Variants in HES6 observed in about 807,000 individuals in gnomAD.
HES6 encodes transcription cofactor HES-6.
Under a neutral mutation model 16.4 loss-of-function variants are expected in HES6, and 24 were observed. That is an observed-to-expected ratio of 1.46 (90% CI 1.06 to 2.06). HES6 has a LOEUF of 2.06. Among genes scored for constraint, HES6 ranks in the 30% most tolerant of loss-of-function variants. HES6 has a pLI of 0.00. For synonymous variants in HES6, 159 were observed against 144.3 expected (o/e 1.10, Z -0.73); for missense variants, 355 against 317.6 (o/e 1.12, Z -0.90).
Position 238,239,500 on chromosome 2 carries a change from C to T in HES6, c.237G>A (p.Arg79=). The change falls in exon 3 of 4, where the codon CGG becomes CGA. Residue 79 remains arginine (R), a synonymous_variant. Coordinates refer to ENST00000272937, the MANE Select transcript of HES6 (RefSeq NM_018645.6). ...LTVRRVQGVL[R]GRAREREQLQ... ...GCCGCCACTCACCGCGCGCCCGGCC[C>T]CGCAGCACACCCTGGACCCGCCGCA... 4.6e-6 allele frequency: 6 copies of T among 1,307,910 alleles called. No homozygotes were observed. The highest frequency in any genetic ancestry group is 5.8e-6 in the Non-Finnish European group (6 of 1,031,516). The allele number at this position is 1,307,910 out of a possible 1,614,324, so 81.0% of individuals were successfully genotyped here.
intron 1 of HES6, 30 bp from the exon 2 acceptor site, chr2:238,239,777 C>T (rs976452201): frequency 7.1e-7 from 1 of 1,399,140 alleles, no homozygotes; most frequent in Non-Finnish European, 9.4e-7. Context: ...GAATCCCAGC[C>T]CCGCACGGCC....
intron 2 of HES6, 44 bp from the exon 3 acceptor site, chr2:238,239,612 A>ACCCCCCCCCCCCCCCC: frequency 2.5e-6 from 1 of 400,646 alleles, no homozygotes; most frequent in Non-Finnish European, 3.6e-6. Context: ...GCGCTCCCGG[A>ACCCCCCCCCCCCCCCC]CCCGCCCGCC....
Position 238,240,029 on chromosome 2 carries a change from C to T in HES6, c.-124G>A, listed in dbSNP as rs1013683709. On this transcript the variant is annotated 5_prime_UTR_variant, in exon 1 of 4. Coordinates refer to ENST00000272937, the MANE Select transcript of HES6 (RefSeq NM_018645.6). Reference sequence around the variant, plus strand: ...AGCAGCAGCCCAGCCGTCCGCGCTCCTCGCGGCTTCCGGCCCGCCGCGGTC... The same window carrying T: ...AGCAGCAGCCCAGCCGTCCGCGCTCTTCGCGGCTTCCGGCCCGCCGCGGTC... The T allele has an allele frequency of 6.4e-6, 3 of 468,488 alleles. No individual in the cohort carries two copies. The highest frequency in any genetic ancestry group is 6.2e-6 in the Non-Finnish European group (2 of 323,454). The allele number at this position is 468,488 out of a possible 1,614,324, so 29.0% of individuals were successfully genotyped here.
intron 3 of HES6, 49 bp downstream of exon 3, chr2:238,239,438 G>T: frequency 7.9e-7 from 1 of 1,268,714 alleles, no homozygotes; most frequent in Non-Finnish European, 1.0e-6. Context: ...TCTGGCAGGG[G>T]TTACAGGCGC....
rs1383408436 is a variant in HES6, at chr2:238,239,139, G to A, written c.363C>T (p.Val121=). 1 of 1,612,620 alleles carries A rather than the reference G, an allele frequency of 6.2e-7. No homozygotes were observed. Among genetic ancestry groups the A allele is most frequent in the Non-Finnish European group, 8.5e-7 (1 of 1,179,930 alleles). ...GCAGATGGTTCAGGAGCTCGGCAGC[G>A]ACGGTAGCGTCGATGGCCTGGCACG... ...VSTCQAIDAT[V]AAELLNHLLE... The change falls in exon 4 of 4, where the codon GTC becomes GTT. Residue 121 remains valine, a synonymous_variant. Transcript: ENST00000272937.
At chr2:238,239,622 C>A in intron 2 of HES6, 39 bp downstream of exon 2, 1 of 1,130,282 alleles carries the variant, frequency 8.8e-7, no homozygotes, top group Non-Finnish European at 1.1e-6. Context: ...ACCCGCCCGC[C>A]CGCCCCGCAG....
intron 1 of HES6, 30 bp from the exon 2 acceptor site, chr2:238,239,777 C>A (rs976452201): frequency 4.3e-6 from 6 of 1,399,028 alleles, no homozygotes; most frequent in African/African-American, 1.5e-5. Context: ...GAATCCCAGC[C>A]CCGCACGGCC....
In HES6 at chr2:238,238,664, T is replaced by A; in HGVS notation, c.*163A>T. 2 of 695,734 alleles carry A rather than the reference T, an allele frequency of 2.9e-6. No individual in the cohort carries two copies. The highest frequency in any genetic ancestry group is 2.4e-6 in the Non-Finnish European group (1 of 420,072). 43.1% of individuals were successfully genotyped at this position (695,734 alleles called of 1,614,324 possible). On this transcript the variant is annotated 3_prime_UTR_variant, in exon 4 of 4. Coordinates refer to ENST00000272937, the MANE Select transcript of HES6 (RefSeq NM_018645.6). ...TTAAGAAACGGGGCTGGGGCCTGAC[T>A]GGGCTGGTTACCAGGGGCTGCCCTG...
At position 238,239,654 on chromosome 2, in the gene HES6, G is replaced by A; in HGVS notation, c.168+7C>T. The A allele has an allele frequency of 1.0e-6, 1 of 990,686 alleles. No individual in the cohort carries two copies. Among genetic ancestry groups the A allele is most frequent in the Non-Finnish European group, 1.2e-6 (1 of 829,878 alleles). The allele number at this position is 990,686 out of a possible 1,614,324, so 61.4% of individuals were successfully genotyped here. A position where few individuals can be genotyped will look rare whatever the true frequency, so the allele number is the denominator to read the frequency against. The stretch of plus-strand genomic sequence containing the variant: ...GCAGCCCCACGGCGCCTGCCCGGCC[G>A]CCGCACCTCGGCGCCCGCCAGCAGC... On this transcript the variant is annotated splice_region_variant and intron_variant, in intron 2 of 3. Coordinates refer to ENST00000272937, the MANE Select transcript of HES6 (RefSeq NM_018645.6).
chr2:238,239,718 C>T lies in HES6; in HGVS notation c.111G>A (p.Arg37=). Residue 37 remains arginine (R), a synonymous_variant, in exon 2 of 4, where the codon CGG becomes CGA. Transcript: ENST00000272937. ...KARKPLVEKK[R]RARINESLQE... Reference sequence around the variant, plus strand: ...GCAGGCTCTCGTTGATCCGCGCGCGCCGCTTCTTCTCCACCAGGGGCTTCC... The same window carrying T: ...GCAGGCTCTCGTTGATCCGCGCGCGTCGCTTCTTCTCCACCAGGGGCTTCC... The T allele has an allele frequency of 7.4e-7, 1 of 1,348,732 alleles. No homozygotes were observed. The highest frequency in any genetic ancestry group is 1.8e-5 in the South Asian group (1 of 54,258). The allele number at this position is 1,348,732 out of a possible 1,614,324, so 83.5% of individuals were successfully genotyped here.
chr2:238,239,394 G>C (rs1695248907), intron 3 of HES6, 93 bp downstream of exon 3: 1 of 1,292,864 alleles, frequency 7.7e-7, no homozygotes, highest in Non-Finnish European at 1.0e-6. Context: ...CCTCGCCGCC[G>C]ACAGGACAGG....
In HES6 at chr2:238,239,205, G is replaced by C; in HGVS notation, c.297C>G (p.Gly99=). The stretch of plus-strand genomic sequence containing the variant: ...GCACCTCGTGCATGCACTGGATGTA[G>C]CCGGCAGCGAAGCGCTCGCTCGCTT... ...QAEASERFAA[G]YIQCMHEVHT... is the part of the protein sequence containing the mutation. Residue 99 remains glycine (G), a synonymous_variant, in exon 4 of 4, where the codon GGC becomes GGG. Coordinates refer to ENST00000272937, the MANE Select transcript of HES6 (RefSeq NM_018645.6). 1 of 1,611,414 alleles carries C rather than the reference G, an allele frequency of 6.2e-7. No individual in the cohort carries two copies. The highest frequency in any genetic ancestry group is 8.5e-7 in the Non-Finnish European group (1 of 1,179,618).
chr2:238,239,024 C>A lies in HES6; in HGVS notation c.478G>T (p.Gly160Cys). ...AGPPRAPGRSGWPAGGAPGSP... is the reference protein window; with the variant it reads ...AGPPRAPGRSCWPAGGAPGSP... ...CCCGGAGCGCCCCCCGCAGGCCAGCCACTCCGTCCAGGGGCTCTAGGTGGC... is the reference window on the plus strand; with the variant it reads ...CCCGGAGCGCCCCCCGCAGGCCAGCAACTCCGTCCAGGGGCTCTAGGTGGC... The change falls in exon 4 of 4, where the codon GGC becomes TGC. Residue 160 changes from glycine (G) to cysteine (C), a missense_variant. Physicochemically the swap from Gly to Cys is radical, Grantham distance 159. Transcript: ENST00000272937. The A allele has an allele frequency of 6.2e-7, 1 of 1,610,366 alleles. No homozygotes were observed. The highest frequency in any genetic ancestry group is 8.5e-7 in the Non-Finnish European group (1 of 1,179,204).
rs544311442 is a variant in HES6 at position 238,238,704 on chromosome 2, G to A, written c.*123C>T. 9.3e-6 allele frequency: 9 copies of A among 969,276 alleles called. No individual in the cohort carries two copies. In the Admixed American group the frequency reaches 2.4e-4, roughly 26 times the overall value. The allele number at this position is 969,276 out of a possible 1,614,324, so 60.0% of individuals were successfully genotyped here. On this transcript the variant is annotated 3_prime_UTR_variant, in exon 4 of 4. Coordinates refer to ENST00000272937, the MANE Select transcript of HES6 (RefSeq NM_018645.6). ...GGGCTGCCCTGCAAGCCATCCATCA[G>A]AGGAGGGAGGGAAGACCTGGGAGAC...
intron 2 of HES6, 37 bp from the exon 3 acceptor site, chr2:238,239,605 C>A (rs1695256814): frequency 4.3e-6 from 5 of 1,162,370 alleles, no homozygotes; most frequent in Non-Finnish European, 5.3e-6. Flanking sequence ...CGGCAGCGCG[C>A]TCCCGGACCC....
At position 238,239,158 on chromosome 2, in the gene HES6, T is replaced by C; in HGVS notation, c.344A>G (p.Gln115Arg). ...HEVHTFVSTC[Q>R]AIDATVAAEL... The stretch of plus-strand genomic sequence containing the variant: ...GGCAGCGACGGTAGCGTCGATGGCC[T>C]GGCACGTGGACACGAACGTGTGCAC... The change falls in exon 4 of 4, where the codon CAG becomes CGG. Residue 115 changes from glutamine to arginine, a missense_variant. Transcript: ENST00000272937. The C allele has an allele frequency of 1.2e-6, 2 of 1,612,560 alleles. No homozygotes were observed. Among genetic ancestry groups the C allele is most frequent in the Non-Finnish European group, 1.7e-6 (2 of 1,179,914 alleles).
Position 238,239,913 on chromosome 2 carries a change from C to T in HES6, c.-8G>A. ...CGCCGCGGGTGGCGCCATGCCCGCT[C>T]CGCCGGGGACGCGGCAGGGGCTAGG... On this transcript the variant is annotated 5_prime_UTR_variant, in exon 1 of 4. Coordinates refer to ENST00000272937, the MANE Select transcript of HES6 (RefSeq NM_018645.6). The T allele has an allele frequency of 1.7e-6, 2 of 1,206,112 alleles. No homozygotes were observed. Among genetic ancestry groups the T allele is most frequent in the Non-Finnish European group, 1.0e-6 (1 of 970,338 alleles). The allele number at this position is 1,206,112 out of a possible 1,614,324, so 74.7% of individuals were successfully genotyped here.
chr2:238,239,611 G>GGCCCCCCCCCCCCCCC, intron 2 of HES6, 43 bp from the exon 3 acceptor site: 2 of 1,135,692 alleles, frequency 1.8e-6, no homozygotes, highest in Non-Finnish European at 2.2e-6. Context: ...CGCGCTCCCG[G>GGCCCCCCCCCCCCCCC]ACCCGCCCGC....
At chr2:238,239,589 G>A (rs1170256609) in intron 2 of HES6, 21 bp from the exon 3 acceptor site, 2 of 1,200,112 alleles carry the variant, frequency 1.7e-6, no homozygotes, top group South Asian at 3.4e-5. Context: ...GGGAAGGGCG[G>A]TGAGCCGGCA....
Sources: gnomAD v4.1 joint callset for allele counts on GRCh38, gnomAD v4.1.1 for gene constraint, MANE v1.5 for transcripts, NCBI Gene and HGNC (gene_info 2026-07-23, HGNC 2026-07-21) for gene names.